Variants in MORN1 observed in about 807,000 individuals in gnomAD.
MORN1 encodes the protein MORN repeat containing 1.
Under a neutral mutation model 61.9 loss-of-function variants are expected in MORN1, and 67 were observed. The observed-to-expected ratio is 1.08, with a 90% CI of 0.89 to 1.33. MORN1 has a LOEUF of 1.33. MORN1 is among the 40% of genes most tolerant of loss of function. The pLI is 0.00. For synonymous variants in MORN1, 301 were observed against 292.0 expected, an observed-to-expected ratio of 1.03 and a Z score of -0.31; for missense variants, 752 against 691.2, an observed-to-expected ratio of 1.09 and a Z score of -0.99.
chr1:2,351,667 G>C (rs1036190166), intron 10 of MORN1: 8 of 392,422 alleles, frequency 2.0e-5, no homozygotes, highest in African/African-American at 1.7e-4. Context: ...CCCGAAACCC[G>C]CTTTTCTTCA....
At chr1:2,375,325 C>T (rs1029212727) in intron 6 of MORN1, 4 of 152,226 alleles carry the variant, frequency 2.6e-5, no homozygotes, top group Non-Finnish European at 5.9e-5. Context: ...AGGGGAACCC[C>T]GAGGCAGCGG....
At chr1:2,322,745 C>T (rs761287170) in intron 13 of MORN1, 17 of 985,446 alleles carry the variant, frequency 1.7e-5, no homozygotes, top group Non-Finnish European at 2.0e-5. Flanking sequence ...CCAGCTATAC[C>T]AGTGGTGGCC....
chr1:2,335,685 G>A (rs1425643850), intron 12 of MORN1, among the ~76,000 whole-genome samples: 3 of 152,316 alleles, frequency 2.0e-5, no homozygotes, highest in Admixed American at 6.5e-5. Context: ...AAACAAGAGC[G>A]AGTGCCTGGC....
rs1169232689 is a variant in MORN1, at chr1:2,385,797, T to A, written c.449+10A>T. On this transcript the variant is annotated intron_variant, in intron 5 of 13. Transcript: ENST00000378531. ...ATGCGCCAGGCAGTACCCACAAGAC[T>A]CATACTCACTGAAAGAGCATCTGCC... The A allele has an allele frequency of 6.2e-7, 1 of 1,612,264 alleles. No individual in the cohort carries two copies.
chr1:2,358,778 C>T (rs1404017967), intron 8 of MORN1, 63 bp from the exon 9 acceptor site: 2 of 1,549,216 alleles, frequency 1.3e-6, no homozygotes, highest in Non-Finnish European at 1.7e-6. Context: ...GTGCGCGGGC[C>T]CGGGGCAGGC....
rs1323332534 is a variant in MORN1 at position 2,372,227 on chromosome 1, A to G, written c.745+254T>C. The stretch of plus-strand genomic sequence containing the variant: ...CTGTGCACACCTGTGCAAGGCATAC[A>G]CACATATGCACACACATACAGGAGC... On this transcript the variant is annotated intron_variant, in intron 8 of 13. Transcript: ENST00000378531. This position sits in a 1 kb window ranked among gnomAD's most constrained non-coding sequence, Gnocchi z 5.4. 2.2e-6 allele frequency: 1 copy of G among 451,626 alleles called. No individual in the cohort carries two copies. Among genetic ancestry groups the G allele is most frequent in the East Asian group, 4.4e-5 (1 of 22,960 alleles). 28.0% of individuals were successfully genotyped at this position (451,626 alleles called of 1,614,324 possible).
chr1:2,356,586 C>T (rs972299241), intron 10 of MORN1, among the ~76,000 whole-genome samples: 2 of 152,136 alleles, frequency 1.3e-5, no homozygotes, highest in East Asian at 3.9e-4. Flanking sequence ...CAGTGGGGAC[C>T]CCCACGCCCG....
intron 2 of MORN1, among the ~76,000 whole-genome samples, chr1:2,389,533 A>G (rs568238598): frequency 6.6e-6 from 1 of 152,292 alleles, no homozygotes; most frequent in South Asian, 2.1e-4. Flanking sequence ...CTCCCAAAGT[A>G]CTGGGATTAC....
At chr1:2,325,482 G>A (rs1250924565) in intron 12 of MORN1, among the ~76,000 whole-genome samples, 2 of 150,936 alleles carry the variant, frequency 1.3e-5, no homozygotes, top group African/African-American at 4.9e-5. Flanking sequence ...CCATGCCCAT[G>A]GGACCACAGG....
chr1:2,324,182 C>T, intron 12 of MORN1, 39 bp from the exon 13 acceptor site: 1 of 1,570,984 alleles, frequency 6.4e-7, no homozygotes, highest in Non-Finnish European at 8.6e-7. Flanking sequence ...AATGCCCTGC[C>T]TGGGCCCCGA....
At chr1:2,367,620 C>G (rs143243451) in intron 8 of MORN1, among the ~76,000 whole-genome samples, 1 of 152,138 alleles carries the variant, frequency 6.6e-6, no homozygotes, top group Non-Finnish European at 1.5e-5. Flanking sequence ...GGTTCACAGT[C>G]CTAAATGTAA....
chr1:2,380,947 C>A (rs533119357), intron 6 of MORN1, among the ~76,000 whole-genome samples: 4 of 152,210 alleles, frequency 2.6e-5, no homozygotes, highest in Non-Finnish European at 5.9e-5. Context: ...TCGGGATGTG[C>A]GGCCTGACCC....
intron 10 of MORN1, among the ~76,000 whole-genome samples, chr1:2,344,553 T>C (rs930073068): frequency 2.0e-5 from 3 of 152,168 alleles, no homozygotes; most frequent in Non-Finnish European, 4.4e-5. Flanking sequence ...GCAGTTCCTC[T>C]GGAGGGGGGT....
intron 12 of MORN1, among the ~76,000 whole-genome samples, chr1:2,329,338 G>A (rs1185030709): frequency 1.3e-5 from 2 of 152,188 alleles, no homozygotes; most frequent in Non-Finnish European, 2.9e-5. Context: ...ACCTTTAAAA[G>A]TTTCTAAAGA....
chr1:2,353,980 G>T (rs1641706792), intron 10 of MORN1, among the ~76,000 whole-genome samples: 1 of 152,262 alleles, frequency 6.6e-6, no homozygotes. Context: ...ATTACGTAAA[G>T]AAGGGAAGAT....
intron 13 of MORN1, chr1:2,323,887 T>A (rs1299560755): frequency 1.0e-6 from 1 of 985,094 alleles, no homozygotes; most frequent in Non-Finnish European, 1.2e-6. Flanking sequence ...TTCAAATCTT[T>A]CTGGACCGTC....
chr1:2,334,691 G>A lies in MORN1; in HGVS notation c.1250+1778C>T, dbSNP rs1163391724. ...TGAACACTGAACACTCCGACTCCGC[G>A]GCCAGGTCGTCCTGGGATTGAAACA... is the stretch of plus-strand genomic sequence containing the variant. On this transcript the variant is annotated intron_variant, in intron 12 of 13. Transcript: ENST00000378531. This position sits in a 1 kb window ranked among gnomAD's most constrained non-coding sequence, Gnocchi z 5.4. 6.6e-6 allele frequency among the ~76,000 whole-genome samples: 1 copy of A among 152,204 alleles called. No homozygotes were observed. Among genetic ancestry groups the A allele is most frequent in the Non-Finnish European group, 1.5e-5 (1 of 68,028 alleles).
chr1:2,372,451 G>A lies in MORN1; in HGVS notation c.745+30C>T, dbSNP rs755719950. Reference sequence around the variant, plus strand: ...TGCTGCCTGTTTCTCTTTTGGAAACGTTAGGTCATCTCCCCCTGGAGATGC... The same window carrying A: ...TGCTGCCTGTTTCTCTTTTGGAAACATTAGGTCATCTCCCCCTGGAGATGC... On this transcript the variant is annotated intron_variant, in intron 8 of 13. Coordinates refer to ENST00000378531, the MANE Select transcript of MORN1 (RefSeq NM_024848.3). This position sits in a 1 kb window ranked among gnomAD's most constrained non-coding sequence, Gnocchi z 5.4. 1.9e-6 allele frequency: 3 copies of A among 1,548,366 alleles called. No individual in the cohort carries two copies. Among genetic ancestry groups the A allele is most frequent in the Middle Eastern group, 1.7e-4 (1 of 5,842 alleles).
At chr1:2,329,984 G>A (rs1641115753) in intron 12 of MORN1, among the ~76,000 whole-genome samples, 2 of 152,144 alleles carry the variant, frequency 1.3e-5, no homozygotes, top group African/African-American at 4.8e-5. Context: ...CGGGTGAGGG[G>A]GGAGCTCCGG....
Sources: gnomAD v4.1 joint callset for allele counts (sites outside exome capture counted in the v4.1 genomes callset) on GRCh38, gnomAD v4.1.1 for gene constraint, Gnocchi (gnomAD v3.1) non-coding constraint, MANE v1.5 for transcripts, NCBI Gene and HGNC (gene_info 2026-07-23, HGNC 2026-07-21) for gene names.